The following DOCK1 variants were observed in gnomAD, a reference collection of about 807,000 sequenced individuals.
The protein encoded by DOCK1 is dedicator of cytokinesis protein 1.
In DOCK1, 138 loss-of-function variants were observed where a neutral mutation model predicts 262.7. The ratio of observed to expected loss-of-function variants is 0.53; its 90% CI spans 0.46 to 0.61. The LOEUF (loss-of-function observed/expected upper bound fraction) is 0.61. DOCK1 is among the 20% of genes least tolerant of loss of function. The pLI, the probability that DOCK1 is intolerant of heterozygous loss-of-function variation, is 0.00. For missense variants in DOCK1, 1,908 were observed against 2,370.7 expected (o/e 0.80, Z 4.05); for synonymous variants, 866 against 867.4 (o/e 1.00, Z 0.03).
Position 127,451,490 on chromosome 10 carries a change from T to G in DOCK1, c.*63T>G. On this transcript the variant is annotated 3_prime_UTR_variant, in exon 52 of 52. Transcript: ENST00000623213. ...CCCATCTCCATGCCCTCTCCTTCTG[T>G]GTCCCCTGAGTCTGCTGTTTACCTC... 1.9e-6 allele frequency: 3 copies of G among 1,547,778 alleles called. No homozygotes were observed. In the South Asian group the frequency reaches 3.6e-5, roughly 18 times the overall value.
rs753349562 is a variant in DOCK1, at chr10:127,425,838, C to G, written c.4777-36C>G. 5.0e-6 allele frequency: 8 copies of G among 1,613,122 alleles called. No homozygotes were observed. The Admixed American group carries it at 8.3e-5, about 17-fold the overall frequency. ...GCATTGCTCGTCCTAGACCATTATC[C>G]AAGAAATAAGGAATGTCAACCTCTC... is the stretch of plus-strand genomic sequence containing the variant. On this transcript the variant is annotated intron_variant, in intron 46 of 51. Coordinates refer to ENST00000623213, the MANE Select transcript of DOCK1 (RefSeq NM_001290223.2).
At chr10:127,080,653 C>T (rs1314828284) in intron 23 of DOCK1, among the ~76,000 whole-genome samples, 1 of 152,046 alleles carries the variant, frequency 6.6e-6, no homozygotes, top group Admixed American at 6.6e-5. Context: ...AGGAAGGAAA[C>T]CTTGCCTGGG....
intron 27 of DOCK1, among the ~76,000 whole-genome samples, chr10:127,145,045 C>A (rs143410838): frequency 4.6e-5 from 7 of 152,278 alleles, no homozygotes; most frequent in Admixed American, 6.5e-5. Context: ...TTTCCAAATG[C>A]ATCTTGGATG....
chr10:127,352,366 C>T (rs982703733), intron 31 of DOCK1, among the ~76,000 whole-genome samples: 16 of 151,640 alleles, frequency 1.1e-4, no homozygotes, highest in African/African-American at 3.1e-4. Flanking sequence ...CACCTGGCCT[C>T]CCAAATCCAG....
At chr10:127,254,815 T>C (rs923405397) in intron 28 of DOCK1, among the ~76,000 whole-genome samples, 4 of 152,160 alleles carry the variant, frequency 2.6e-5, no homozygotes, top group African/African-American at 4.8e-5. Context: ...TGGGAAGCCA[T>C]TGGGGAAATG....
chr10:127,112,931 C>T (rs1331830176), intron 25 of DOCK1, among the ~76,000 whole-genome samples: 1 of 152,116 alleles, frequency 6.6e-6, no homozygotes, highest in Non-Finnish European at 1.5e-5. Flanking sequence ...TTCTCATCTG[C>T]AAGCTCTCTG....
chr10:127,149,205 G>T lies in DOCK1; in HGVS notation c.2847+21441G>T, dbSNP rs11016484. On this transcript the variant is annotated intron_variant, in intron 27 of 51. Transcript: ENST00000623213. The stretch of plus-strand genomic sequence containing the variant: ...GGATTTCAGATCTGGAAGGGACCTT[G>T]ATGATCCCTTAGTGCAACCCCAGAG... Among the ~76,000 whole-genome samples the T allele has an allele frequency of 6.6e-3, 1,000 of 152,286 alleles. 4 individuals carry two copies. The highest frequency in any genetic ancestry group is 0.011 in the Admixed American group (176 of 15,306).
intron 27 of DOCK1, among the ~76,000 whole-genome samples, chr10:127,158,960 T>TC (rs2053339622): frequency 6.6e-6 from 1 of 152,194 alleles, no homozygotes; most frequent in African/African-American, 2.4e-5. Context: ...CTGGGTTTTA[T>TC]CCCAGGGACC....
At chr10:127,357,264 T>C (rs1183293878) in intron 32 of DOCK1, among the ~76,000 whole-genome samples, 1 of 152,186 alleles carries the variant, frequency 6.6e-6, no homozygotes, top group East Asian at 1.9e-4. Context: ...TTGTTTTTGT[T>C]TGCAAGTATA....
rs34290357 is a variant in DOCK1, at chr10:127,446,264, GA to G, written c.5414-1119del. On this transcript the variant is annotated intron_variant, in intron 50 of 51. Transcript: ENST00000623213. This position sits in a 1 kb window ranked among gnomAD's most constrained non-coding sequence, Gnocchi z 4.4. ...GACTCCATCCCAAACAAAAAGAAAAGAAAAAAAAAAAGAAAGTAGAATAGAG... is the reference window on the plus strand; with the variant it reads ...GACTCCATCCCAAACAAAAAGAAAAGAAAAAAAAAAGAAAGTAGAATAGAG... 7.7e-5 allele frequency among the ~76,000 whole-genome samples: 11 copies of G among 142,840 alleles called. No individual in the cohort carries two copies. The highest frequency in any genetic ancestry group is 2.2e-4 in the South Asian group (1 of 4,524). The allele number at this position is 142,840 out of a possible 152,430, so 93.7% of individuals were successfully genotyped here. A position where few individuals can be genotyped will look rare whatever the true frequency, so the allele number is the denominator to read the frequency against.
intron 31 of DOCK1, chr10:127,344,677 ATCATCTCT>A (rs1565009197): frequency 1.3e-5 from 2 of 152,184 alleles, no homozygotes; most frequent in Non-Finnish European, 2.9e-5. Flanking sequence ...TCCAAAGCAC[ATCATCTCT>A]GGAGAGTAAG....
chr10:127,429,132 T>C (rs1468023575), intron 47 of DOCK1, among the ~76,000 whole-genome samples: 3 of 151,900 alleles, frequency 2.0e-5, no homozygotes, highest in African/African-American at 7.3e-5. Context: ...TTGGAGCTTA[T>C]TTCCAGCACA....
At chr10:127,147,911 G>A (rs1021575205) in intron 27 of DOCK1, among the ~76,000 whole-genome samples, 39 of 151,426 alleles carry the variant, frequency 2.6e-4, no homozygotes, top group African/African-American at 9.0e-4. Flanking sequence ...CGCGCACGTA[G>A]TCCCAGCTAC....
intron 27 of DOCK1, among the ~76,000 whole-genome samples, chr10:127,234,254 A>C (rs200915649): frequency 1.3e-5 from 2 of 152,268 alleles, no homozygotes; most frequent in East Asian, 3.9e-4. Flanking sequence ...ATATTGACAG[A>C]TGTTGGCTTG....
At chr10:126,923,096 C>T (rs993600510) in intron 1 of DOCK1, among the ~76,000 whole-genome samples, 4 of 151,724 alleles carry the variant, frequency 2.6e-5, no homozygotes, top group African/African-American at 4.8e-5. Context: ...GCAACAAGAA[C>T]GAAACTCCAT....
intron 23 of DOCK1, among the ~76,000 whole-genome samples, chr10:127,065,310 C>T (rs374858630): frequency 8.5e-5 from 13 of 152,190 alleles, no homozygotes; most frequent in African/African-American, 1.9e-4. Flanking sequence ...TGTGCCCGGC[C>T]GTGTTTGGCT....
In DOCK1 at chr10:127,446,440, G is replaced by A. The variant is rs1310653108; in HGVS notation, c.5414-954G>A. 1.3e-5 allele frequency among the ~76,000 whole-genome samples: 2 copies of A among 152,066 alleles called. No homozygotes were observed. The highest frequency in any genetic ancestry group is 4.8e-5 in the African/African-American group (2 of 41,410). ...TAATGCCACCAAATTGTCCCCTAAAGGATGGCTAAAATGGCAAATTTTATG... is the reference window on the plus strand; with the variant it reads ...TAATGCCACCAAATTGTCCCCTAAAAGATGGCTAAAATGGCAAATTTTATG... On this transcript the variant is annotated intron_variant, in intron 50 of 51. Transcript: ENST00000623213. This position sits in a 1 kb window ranked among gnomAD's most constrained non-coding sequence, Gnocchi z 4.4.
chr10:127,361,262 C>A lies in DOCK1; in HGVS notation c.3284-802C>A, dbSNP rs374457755. On this transcript the variant is annotated intron_variant, in intron 32 of 51. Coordinates refer to ENST00000623213, the MANE Select transcript of DOCK1 (RefSeq NM_001290223.2). ...CCAGGTAGCTGGGACTACAGGCGCCCGCTACCACGCCCAGCTGATTTTTTT... is the reference window on the plus strand; with the variant it reads ...CCAGGTAGCTGGGACTACAGGCGCCAGCTACCACGCCCAGCTGATTTTTTT... Among the ~76,000 whole-genome samples, 8 of 151,810 alleles carry A rather than the reference C, an allele frequency of 5.3e-5. No individual in the cohort carries two copies. The East Asian group carries it at 1.4e-3, about 26-fold the overall frequency.
In DOCK1 at chr10:127,426,004, G is replaced by A. The variant is rs748312033; in HGVS notation, c.4907G>A (p.Arg1636Gln). ...AAGGTGGAGAAAGAGTACGGCGTCCGAATCATGGTAAGAGGGTAGTATGCG... is the reference window on the plus strand; with the variant it reads ...AAGGTGGAGAAAGAGTACGGCGTCCAAATCATGGTAAGAGGGTAGTATGCG... Reference protein sequence around the residue: ...KEKVEKEYGVRIMPSSLDDRR... With the variant: ...KEKVEKEYGVQIMPSSLDDRR... The change falls in exon 47 of 52, where the codon CGA (arginine) becomes CAA (glutamine). Residue 1636 changes from arginine to glutamine, a missense_variant. Around this residue, in one of 9 missense-constraint regions of DOCK1, gnomAD observed 383 missense variants for 420.1 expected, o/e 0.91. Coordinates refer to ENST00000623213, the MANE Select transcript of DOCK1 (RefSeq NM_001290223.2). 70 of 1,613,752 alleles carry A rather than the reference G, an allele frequency of 4.3e-5. 1 individual carries two copies. The South Asian group carries it at 7.5e-4, about 17-fold the overall frequency.
Sources: gnomAD v4.1 joint callset for allele counts (sites outside exome capture counted in the v4.1 genomes callset) on GRCh38, gnomAD v4.1.1 for gene constraint, gnomAD v4.1.1 regional missense constraint, Gnocchi (gnomAD v3.1) non-coding constraint, MANE v1.5 for transcripts, NCBI Gene and HGNC (gene_info 2026-07-23, HGNC 2026-07-21) for gene names.